BPIFB6: variants seen among roughly 807,000 people sequenced by gnomAD.
The protein encoded by BPIFB6 is BPI fold containing family B member 6.
BPIFB6 carries 47 observed loss-of-function variants against 54.7 expected under a neutral mutation model. That is an observed-to-expected ratio of 0.86 (90% confidence interval 0.68 to 1.10). The LOEUF (loss-of-function observed/expected upper bound fraction) is 1.10. Ranked by LOEUF, BPIFB6 falls within the 50% of genes least tolerant of loss-of-function variation. BPIFB6 has a pLI of 0.00. For synonymous variants in BPIFB6, 255 were observed against 225.9 expected (o/e 1.13, Z -1.16); for missense variants, 603 against 564.1 (o/e 1.07, Z -0.70).
intron 1 of BPIFB6, among the ~76,000 whole-genome samples, chr20:33,032,338 T>C (rs894220658): frequency 2.0e-5 from 3 of 152,180 alleles, no homozygotes; most frequent in Non-Finnish European, 4.4e-5. Flanking sequence ...TGGAATTAGC[T>C]TGTGACCATA....
intron 9 of BPIFB6, among the ~76,000 whole-genome samples, 179 bp from the exon 10 acceptor site, chr20:33,039,168 G>C (rs1409950829): frequency 2.6e-5 from 4 of 152,212 alleles, no homozygotes; most frequent in Non-Finnish European, 5.9e-5. Context: ...CTGTCCAATA[G>C]AGAATAGCCA....
chr20:33,043,435 C>A, intron 14 of BPIFB6, 68 bp downstream of exon 14: 1 of 1,437,234 alleles, frequency 7.0e-7, no homozygotes, highest in Non-Finnish European at 9.8e-7. Flanking sequence ...GAGCAAGAGC[C>A]TACCTCTCTC....
chr20:33,042,669 C>T, intron 12 of BPIFB6, 146 bp from the exon 13 acceptor site: 3 of 700,792 alleles, frequency 4.3e-6, no homozygotes, highest in Non-Finnish European at 7.2e-6. Flanking sequence ...CAAGGCCAGG[C>T]CCAGTTTTGA....
chr20:33,039,427 A>T lies in BPIFB6; in HGVS notation c.981A>T (p.Thr327=). 1 of 1,614,248 alleles carries T rather than the reference A, an allele frequency of 6.2e-7. No individual in the cohort carries two copies. Among genetic ancestry groups the T allele is most frequent in the Non-Finnish European group, 8.5e-7 (1 of 1,180,040 alleles). The change falls in exon 10 of 15, where the codon ACA becomes ACT. Residue 327 remains threonine (T), a synonymous_variant. Coordinates refer to ENST00000349552, the MANE Select transcript of BPIFB6 (RefSeq NM_174897.2). ...AGCCTCCCAAGGTCACTATGAAGAC[A>T]GGCAAGAGCCTGCTGCACCTCCACA... is the stretch of plus-strand genomic sequence containing the variant. ...IKKPPKVTMK[T]GKSLLHLHST... is the part of the protein sequence containing the mutation.
chr20:33,034,269 G>T lies in BPIFB6; in HGVS notation c.281G>T (p.Gly94Val). The T allele has an allele frequency of 6.2e-7, 1 of 1,613,768 alleles. No homozygotes were observed. Among genetic ancestry groups the T allele is most frequent in the Non-Finnish European group, 8.5e-7 (1 of 1,179,674 alleles). Residue 94 changes from glycine (G) to valine (V), a missense_variant, in exon 3 of 15, where the codon GGC (glycine) becomes GTC (valine). By Grantham distance (109) the Gly-to-Val change is moderately radical. Transcript: ENST00000349552. ...GVGIFQCVST[G>V]MTVTGKSFMG... ...GGCATCTTCCAATGTGTGTCCACAG[G>T]CATGACCGTCACTGGCAAGAGGTGA...
Position 33,034,883 on chromosome 20 carries a change from G to A in BPIFB6, c.423G>A (p.Leu141=). 5.6e-6 allele frequency: 9 copies of A among 1,612,766 alleles called. No individual in the cohort carries two copies. Among genetic ancestry groups the A allele is most frequent in the Non-Finnish European group, 7.6e-6 (9 of 1,178,908 alleles). ...AGAGTGAGGGCTGTGAGGTCATCCT[G>A]GTCAATGTGAAGACTAACCTGCCTA... ...VFKSEGCEVI[L]VNVKTNLPSN... The change falls in exon 4 of 15, where the codon CTG becomes CTA. Residue 141 remains leucine, a synonymous_variant. Transcript: ENST00000349552.
In BPIFB6 at chr20:33,035,666, C is replaced by T. The variant is rs1218085446; in HGVS notation, c.571C>T (p.Leu191Phe). The stretch of plus-strand genomic sequence containing the variant: ...GTATGTGAACAGGAAGTGGACCAAC[C>T]TCAGTGGTGAGTGTAGCCCTACCCA... ...LVYVNRKWTNLSDPMPVGQMG... is the reference protein window; with the variant it reads ...LVYVNRKWTNFSDPMPVGQMG... Residue 191 changes from leucine (L) to phenylalanine (F), a missense_variant, in exon 6 of 15, where the codon CTC becomes TTC. Leu to Phe is a conservative substitution (Grantham distance 22). Transcript: ENST00000349552. 6.2e-7 allele frequency: 1 copy of T among 1,614,098 alleles called. No homozygotes were observed. Among genetic ancestry groups the T allele is most frequent in the Middle Eastern group, 1.7e-4 (1 of 6,060 alleles).
intron 2 of BPIFB6, among the ~76,000 whole-genome samples, chr20:33,033,764 C>T (rs538457035): frequency 2.0e-5 from 3 of 152,204 alleles, no homozygotes; most frequent in African/African-American, 7.2e-5. Flanking sequence ...CTGGCATCTA[C>T]TGGGCTGAGG....
chr20:33,041,722 G>A (rs1450556427), intron 11 of BPIFB6, among the ~76,000 whole-genome samples: 1 of 152,192 alleles, frequency 6.6e-6, no homozygotes, highest in East Asian at 1.9e-4. Context: ...GGGTCCCAGA[G>A]GGAAGAGTCA....
chr20:33,032,162 G>A (rs1026725170), intron 1 of BPIFB6, among the ~76,000 whole-genome samples: 3 of 152,096 alleles, frequency 2.0e-5, no homozygotes, highest in Non-Finnish European at 4.4e-5. Flanking sequence ...TGTAAAATAG[G>A]GTGACCAGTC....
At position 33,033,036 on chromosome 20, in the gene BPIFB6, G is replaced by A; in HGVS notation, c.150G>A (p.Glu50=). 6.2e-7 allele frequency: 1 copy of A among 1,614,092 alleles called. No homozygotes were observed. Residue 50 remains glutamate (E), a synonymous_variant, in exon 2 of 15, where the codon GAG becomes GAA. Coordinates refer to ENST00000349552, the MANE Select transcript of BPIFB6 (RefSeq NM_174897.2). ...ATATCCTGGAGAAGATGGCAGCCGA[G>A]GCAGGCAAGAAACAGCCAGGGATGA... ...ESHILEKMAA[E]AGKKQPGMKP...
In BPIFB6 at chr20:33,031,765, G is replaced by T. The variant is rs532084957; in HGVS notation, c.97+21G>T. ...GAACCGTGGTGAGCTTGTGGGCCCG[G>T]GCGTGCAGCTGGGAGGCGGTGCTTG... is the stretch of plus-strand genomic sequence containing the variant. On this transcript the variant is annotated intron_variant, in intron 1 of 14. Coordinates refer to ENST00000349552, the MANE Select transcript of BPIFB6 (RefSeq NM_174897.2). 4 of 1,611,440 alleles carry T rather than the reference G, an allele frequency of 2.5e-6. No individual in the cohort carries two copies. The South Asian group carries it at 4.4e-5, about 18-fold the overall frequency.
chr20:33,042,935 G>T (rs953891151), intron 13 of BPIFB6, 57 bp downstream of exon 13: 8 of 1,535,600 alleles, frequency 5.2e-6, no homozygotes, highest in Middle Eastern at 1.8e-4. Flanking sequence ...AAGCAATAAG[G>T]GATGCCACCT....
Position 33,035,089 on chromosome 20 carries a change from C to T in BPIFB6, c.461C>T (p.Pro154Leu), listed in dbSNP as rs1979278913. ...VKTNLPSNML[P>L]KMVNKFLDST... is the part of the protein sequence containing the mutation. ...TGCCTGTGTCCATCTAGCATGCTCC[C>T]CAAGATGGTCAACAAGTTCCTGGAC... Residue 154 changes from proline to leucine, a missense_variant, in exon 5 of 15, where the codon CCC becomes CTC. Transcript: ENST00000349552. 1 of 1,613,906 alleles carries T rather than the reference C, an allele frequency of 6.2e-7. No individual in the cohort carries two copies.
intron 1 of BPIFB6, among the ~76,000 whole-genome samples, chr20:33,032,237 T>C (rs970589566): frequency 2.0e-5 from 3 of 152,058 alleles, no homozygotes; most frequent in African/African-American, 7.3e-5. Flanking sequence ...TCCACCTCCA[T>C]CCCCCACTCC....
intron 10 of BPIFB6, among the ~76,000 whole-genome samples, 171 bp from the exon 11 acceptor site, chr20:33,040,080 T>C (rs533602747): frequency 1.3e-5 from 2 of 152,334 alleles, no homozygotes; most frequent in East Asian, 3.9e-4. Context: ...AAGCCTGGGC[T>C]GGCGCTACAG....
intron 2 of BPIFB6, chr20:33,033,604 G>A (rs1397751623): frequency 2.2e-6 from 1 of 456,868 alleles, no homozygotes; most frequent in Non-Finnish European, 4.4e-6. Context: ...CTCAGGATGG[G>A]CAAGTGGGGG....
chr20:33,036,031 C>A (rs974048408), intron 6 of BPIFB6, among the ~76,000 whole-genome samples: 9 of 152,056 alleles, frequency 5.9e-5, no homozygotes, highest in African/African-American at 2.2e-4. Flanking sequence ...ATTTTGGGGT[C>A]CCATTTTGGG....
At chr20:33,043,899 C>T in intron 14 of BPIFB6, 116 bp from the exon 15 acceptor site, 1 of 1,320,568 alleles carries the variant, frequency 7.6e-7, no homozygotes, top group Non-Finnish European at 1.1e-6. Flanking sequence ...TCTACTTCAA[C>T]CTTTGCTTAA....
Sources: gnomAD v4.1 joint callset for allele counts (sites outside exome capture counted in the v4.1 genomes callset) on GRCh38, gnomAD v4.1.1 for gene constraint, MANE v1.5 for transcripts, NCBI Gene and HGNC (gene_info 2026-07-23, HGNC 2026-07-21) for gene names.